Variants in SMYD3 observed in about 807,000 individuals in gnomAD.
The protein encoded by SMYD3 is SET and MYND domain containing 3, also known as histone-lysine N-methyltransferase SMYD3.
Under a neutral mutation model 57.7 loss-of-function variants are expected in SMYD3, and 36 were observed. That is an observed-to-expected ratio of 0.62 (90% CI 0.48 to 0.82). The LOEUF (loss-of-function observed/expected upper bound fraction) is 0.82. Among genes scored for constraint, SMYD3 ranks in the 40% least tolerant of loss-of-function variants. The probability of loss-of-function intolerance (pLI) is 0.00; values close to 1 mark genes in which losing one functional copy is unlikely to be tolerated. For missense variants in SMYD3, 515 were observed against 538.8 expected (o/e 0.96, Z 0.44); for synonymous variants, 211 against 195.0 (o/e 1.08, Z -0.68).
intron 5 of SMYD3, among the ~76,000 whole-genome samples, chr1:246,039,568 T>G (rs2059833387): frequency 6.6e-6 from 1 of 152,214 alleles, no homozygotes; most frequent in Non-Finnish European, 1.5e-5. Flanking sequence ...TACTACAAAC[T>G]GAGATTTCAT....
At chr1:246,418,766 C>T (rs1270469371) in intron 1 of SMYD3, among the ~76,000 whole-genome samples, 3 of 152,102 alleles carry the variant, frequency 2.0e-5, no homozygotes, top group Non-Finnish European at 4.4e-5. Context: ...TTCTGCTGGC[C>T]GACGGCCTCC....
chr1:246,286,835 G>A (rs939668226), intron 5 of SMYD3, among the ~76,000 whole-genome samples: 1 of 151,502 alleles, frequency 6.6e-6, no homozygotes, highest in African/African-American at 2.4e-5. Flanking sequence ...GTATATCTTT[G>A]GAAAATATAT....
intron 5 of SMYD3, among the ~76,000 whole-genome samples, chr1:246,234,500 C>G (rs1415392897): frequency 1.3e-5 from 2 of 152,120 alleles, no homozygotes; most frequent in Non-Finnish European, 2.9e-5. Context: ...CAGAGAAGCA[C>G]TCCTTCAGTT....
At chr1:246,396,227 G>A (rs1268980372) in intron 1 of SMYD3, among the ~76,000 whole-genome samples, 4 of 152,152 alleles carry the variant, frequency 2.6e-5, no homozygotes, top group Non-Finnish European at 5.9e-5. Flanking sequence ...TGCAAATTGG[G>A]CTTTATAGGT....
At position 246,507,083 on chromosome 1, in the gene SMYD3, A is replaced by G. The variant is rs1202548696; in HGVS notation, c.135T>C (p.Arg45=). 9.4e-6 allele frequency: 14 copies of G among 1,495,402 alleles called. No homozygotes were observed. The Admixed American group carries it at 2.6e-4, about 28-fold the overall frequency. 92.6% of individuals were successfully genotyped at this position (1,495,402 alleles called of 1,614,324 possible). ...PLAYTVCKGS[R]GVVCDRCLLG... ...GAAGGCAGCGGTCGCAGACGACGCC[A>G]CGACTCCCCTTGCACACCGTGTACG... The change falls in exon 1 of 12, where the codon CGT becomes CGC. Residue 45 remains arginine, a synonymous_variant. Coordinates refer to ENST00000490107, the MANE Select transcript of SMYD3 (RefSeq NM_001167740.2).
At chr1:245,933,799 A>G (rs896889553) in intron 5 of SMYD3, among the ~76,000 whole-genome samples, 1 of 152,224 alleles carries the variant, frequency 6.6e-6, no homozygotes, top group Non-Finnish European at 1.5e-5. Context: ...AGCAGCAGTT[A>G]AACTGAGATA....
intron 5 of SMYD3, among the ~76,000 whole-genome samples, chr1:245,983,581 G>C (rs2058644626): frequency 6.6e-6 from 1 of 152,208 alleles, no homozygotes; most frequent in Non-Finnish European, 1.5e-5. Flanking sequence ...TCCTGTGTGG[G>C]AGTGTTAATA....
At chr1:246,494,522 T>C (rs1238501708) in intron 1 of SMYD3, among the ~76,000 whole-genome samples, 2 of 152,250 alleles carry the variant, frequency 1.3e-5, no homozygotes, top group Non-Finnish European at 2.9e-5. Context: ...TCATAGATTT[T>C]AAGTAAGTCT....
chr1:246,117,662 G>A (rs771441290), intron 5 of SMYD3, among the ~76,000 whole-genome samples: 3 of 152,124 alleles, frequency 2.0e-5, no homozygotes, highest in Non-Finnish European at 1.5e-5. Context: ...ACTATGTCAT[G>A]CAGGCAGCCA....
intron 2 of SMYD3, among the ~76,000 whole-genome samples, chr1:246,353,095 C>T (rs1444808489): frequency 2.0e-5 from 3 of 152,158 alleles, no homozygotes; most frequent in Admixed American, 2.0e-4. Flanking sequence ...TAATGTTTCA[C>T]TTTTTGCTTT....
chr1:246,418,286 G>A (rs182679201), intron 1 of SMYD3, among the ~76,000 whole-genome samples: 1 of 152,240 alleles, frequency 6.6e-6, no homozygotes, highest in South Asian at 2.1e-4. Flanking sequence ...AACATGAAGA[G>A]AAAGTAGAGT....
chr1:246,390,427 G>A (rs1558439698), intron 1 of SMYD3, among the ~76,000 whole-genome samples: 1 of 151,948 alleles, frequency 6.6e-6, no homozygotes, highest in African/African-American at 2.4e-5. Flanking sequence ...AATGCAGAAT[G>A]GGGAGGGATG....
In SMYD3 at chr1:246,009,114, T is replaced by TA. The variant is rs199716789; in HGVS notation, c.532-79178dup. On this transcript the variant is annotated intron_variant, in intron 5 of 11. Transcript: ENST00000490107. ...TGATAACTATATAAAATAATGGTGG[T>TA]AAAACCAGCAAAAATCGACAGGTGT... 4.9e-3 allele frequency among the ~76,000 whole-genome samples: 753 copies of TA among 152,256 alleles called. 5 individuals are homozygous for TA. Among genetic ancestry groups the TA allele is most frequent in the African/African-American group, 0.013 (538 of 41,554 alleles).
chr1:246,383,434 T>C (rs1447597393), intron 1 of SMYD3, among the ~76,000 whole-genome samples: 1 of 152,244 alleles, frequency 6.6e-6, no homozygotes, highest in Non-Finnish European at 1.5e-5. Flanking sequence ...AATCAGAATC[T>C]ACATCTTAAT....
chr1:246,018,925 C>T (rs545582860), intron 5 of SMYD3, among the ~76,000 whole-genome samples: 31 of 152,268 alleles, frequency 2.0e-4, no homozygotes, highest in African/African-American at 6.0e-4. Context: ...GATTAGTTTA[C>T]GCTGTATGTG....
At chr1:246,163,993 C>T (rs1353333487) in intron 5 of SMYD3, among the ~76,000 whole-genome samples, 1 of 152,162 alleles carries the variant, frequency 6.6e-6, no homozygotes, top group Non-Finnish European at 1.5e-5. Context: ...AGGGAAGGTG[C>T]CATTTTGACT....
intron 5 of SMYD3, among the ~76,000 whole-genome samples, chr1:246,138,230 G>C (rs1354869313): frequency 1.3e-5 from 2 of 152,020 alleles, no homozygotes; most frequent in Non-Finnish European, 2.9e-5. Context: ...GCTGCACTGT[G>C]AGAACAAGAC....
intron 10 of SMYD3, among the ~76,000 whole-genome samples, chr1:245,852,209 C>T (rs2051013487): frequency 6.6e-6 from 1 of 152,240 alleles, no homozygotes; most frequent in Non-Finnish European, 1.5e-5. Flanking sequence ...GGCACCCTGC[C>T]TCCTCTTTTT....
intron 10 of SMYD3, among the ~76,000 whole-genome samples, chr1:245,811,473 A>G (rs1440545441): frequency 6.6e-6 from 1 of 152,182 alleles, no homozygotes; most frequent in Non-Finnish European, 1.5e-5. Flanking sequence ...TGGGTTTCTT[A>G]GCACTATACT....
Sources: allele counts gnomAD v4.1 joint callset (sites outside exome capture counted in the v4.1 genomes callset), GRCh38; gene constraint gnomAD v4.1.1; transcripts MANE v1.5; gene names NCBI Gene and HGNC (gene_info 2026-07-23, HGNC 2026-07-21).